Variants in PCDHA2 observed in about 807,000 individuals in gnomAD.
PCDHA2 encodes the protein protocadherin alpha 2.
PCDHA2 carries 58 observed loss-of-function variants against 66.0 expected under a neutral mutation model. That is an observed-to-expected ratio of 0.88 (90% CI 0.71 to 1.09). The LOEUF (loss-of-function observed/expected upper bound fraction) is 1.09, where lower values mean the gene tolerates loss of function less well. PCDHA2 is among the 50% of genes least tolerant of loss of function. The pLI, the probability that PCDHA2 is intolerant of heterozygous loss-of-function variation, is 0.00. For synonymous variants in PCDHA2, 634 were observed against 554.0 expected (o/e 1.14, Z -2.03); for missense variants, 1,267 against 1,242.3 (o/e 1.02, Z -0.30).
chr5:140,836,002 C>A (rs1302809722), intron 1 of PCDHA2: 14 of 1,613,124 alleles, frequency 8.7e-6, no homozygotes, highest in South Asian at 4.4e-5. Flanking sequence ...GCGCGCGATG[C>A]GGGCGTGCCG....
intron 1 of PCDHA2, chr5:140,823,568 C>G: frequency 6.2e-7 from 1 of 1,613,952 alleles, no homozygotes; most frequent in South Asian, 1.1e-5. Flanking sequence ...GCAGTGGACC[C>G]TGATTCGGGC....
chr5:140,821,972 C>G (rs2150112402), intron 1 of PCDHA2: 25 of 1,614,136 alleles, frequency 1.5e-5, no homozygotes, highest in Non-Finnish European at 2.1e-5. Context: ...TTCCGGGTGG[C>G]GTCCAAGGGC....
intron 2 of PCDHA2, among the ~76,000 whole-genome samples, chr5:140,980,549 G>A (rs1382828581): frequency 1.3e-5 from 2 of 152,162 alleles, no homozygotes; most frequent in Non-Finnish European, 2.9e-5. Context: ...AGAATCGCTT[G>A]AACCCGGGAG....
chr5:140,871,255 A>G (rs201468806), intron 1 of PCDHA2: 9 of 1,613,976 alleles, frequency 5.6e-6, no homozygotes, highest in Non-Finnish European at 7.6e-6. Context: ...GCTGCTGTAT[A>G]CGGCGCTGTG....
At chr5:140,876,099 T>C (rs782428764) in intron 1 of PCDHA2, 7 of 1,613,954 alleles carry the variant, frequency 4.3e-6, no homozygotes, top group Middle Eastern at 1.6e-4. Context: ...CAAAACTCAA[T>C]TTATTGCTGA....
chr5:140,808,999 C>G (rs17844283), intron 1 of PCDHA2: 1 of 1,613,590 alleles, frequency 6.2e-7, no homozygotes, highest in African/African-American at 1.3e-5. Flanking sequence ...CGGGCTACAA[C>G]GCGTGGCTTT....
chr5:140,882,420 A>C, intron 1 of PCDHA2: 1 of 1,614,046 alleles, frequency 6.2e-7, no homozygotes, highest in East Asian at 2.2e-5. Context: ...ATCGCTCAGG[A>C]CCTGGGGCTG....
At chr5:140,807,998 G>T (rs782760377) in intron 1 of PCDHA2, 2 of 1,613,588 alleles carry the variant, frequency 1.2e-6, no homozygotes, top group East Asian at 2.2e-5. Flanking sequence ...AGATTTAGAC[G>T]AAGGATTGAA....
intron 1 of PCDHA2, chr5:140,927,429 C>T: frequency 6.2e-7 from 1 of 1,614,118 alleles, no homozygotes; most frequent in Non-Finnish European, 8.5e-7. Flanking sequence ...GGGTTGACGG[C>T]AGCGAATACC....
At chr5:140,851,475 T>C (rs1554145417) in intron 1 of PCDHA2, 2 of 890,456 alleles carry the variant, frequency 2.2e-6, no homozygotes, top group African/African-American at 3.6e-5. Flanking sequence ...CAATAAATGT[T>C]ATAAACACAG....
chr5:140,969,125 C>T (rs2096298194), intron 1 of PCDHA2: 3 of 1,614,152 alleles, frequency 1.9e-6, no homozygotes, highest in East Asian at 2.2e-5. Flanking sequence ...GAATGGCTCC[C>T]TCACCAAGAC....
At chr5:140,957,225 G>C (rs1585702621) in intron 1 of PCDHA2, among the ~76,000 whole-genome samples, 1 of 152,072 alleles carries the variant, frequency 6.6e-6, no homozygotes, top group Admixed American at 6.6e-5. Flanking sequence ...ATTTGGCGAA[G>C]CATTTTGGCA....
intron 1 of PCDHA2, among the ~76,000 whole-genome samples, chr5:140,953,493 A>G (rs959606912): frequency 8.5e-5 from 13 of 152,108 alleles, no homozygotes; most frequent in Non-Finnish European, 1.5e-5. Flanking sequence ...CACAACCTTG[A>G]TCAGCTATTA....
chr5:140,958,890 A>G (rs1379321415), intron 1 of PCDHA2, among the ~76,000 whole-genome samples: 1 of 152,044 alleles, frequency 6.6e-6, no homozygotes, highest in African/African-American at 2.4e-5. Context: ...CAGTAGCTAT[A>G]TAATAGATAC....
At chr5:140,908,180 T>C (rs2073846080) in intron 1 of PCDHA2, among the ~76,000 whole-genome samples, 2 of 152,298 alleles carry the variant, frequency 1.3e-5, no homozygotes, top group East Asian at 3.9e-4. Context: ...AGCTGTCCAC[T>C]TTCAGGTGGT....
intron 1 of PCDHA2, among the ~76,000 whole-genome samples, chr5:140,918,211 C>T (rs1554198470): frequency 6.6e-6 from 1 of 152,046 alleles, no homozygotes; most frequent in African/African-American, 2.4e-5. Context: ...TGTTGGTGTA[C>T]AGAAATGCTG....
chr5:140,926,778 A>G, intron 1 of PCDHA2: 1 of 1,393,042 alleles, frequency 7.2e-7, no homozygotes, highest in East Asian at 2.6e-5. Context: ...CGCAGCAGTG[A>G]CGGCCGGCAG....
At chr5:140,842,015 G>C in intron 1 of PCDHA2, 1 of 1,613,814 alleles carries the variant, frequency 6.2e-7, no homozygotes, top group East Asian at 2.2e-5. Flanking sequence ...GCTGGTCACA[G>C]TGCTGGATGT....
chr5:140,943,574 G>C (rs1424164723), intron 1 of PCDHA2, among the ~76,000 whole-genome samples: 1 of 152,154 alleles, frequency 6.6e-6, no homozygotes, highest in African/African-American at 2.4e-5. Context: ...TTAATTTGTT[G>C]ATCTGAGTGG....
Sources: allele counts gnomAD v4.1 joint callset (sites outside exome capture counted in the v4.1 genomes callset), GRCh38; gene constraint gnomAD v4.1.1; transcripts MANE v1.5; gene names NCBI Gene and HGNC (gene_info 2026-07-23, HGNC 2026-07-21).